Variants in SCTR observed in about 807,000 individuals in gnomAD.
SCTR encodes secretin receptor.
In SCTR, 56 loss-of-function variants were observed where a neutral mutation model predicts 60.8. That is an observed-to-expected ratio of 0.92 (90% CI 0.74 to 1.15). The LOEUF (loss-of-function observed/expected upper bound fraction) is 1.15, where lower values mean the gene tolerates loss of function less well. Among genes scored for constraint, SCTR ranks in the 50% most tolerant of loss-of-function variants. The pLI is 0.00. For missense variants in SCTR, 562 were observed against 550.4 expected, an observed-to-expected ratio of 1.02 and a Z score of -0.21; for synonymous variants, 202 against 217.0, an observed-to-expected ratio of 0.93 and a Z score of 0.61.
chr2:119,477,321 G>T (rs72833298), intron 3 of SCTR, among the ~76,000 whole-genome samples: 2,832 of 152,236 alleles, frequency 0.019, 35 homozygotes, highest in South Asian at 0.054. Context: ...TTTCCTCTCC[G>T]CCAGTCAGCC....
chr2:119,477,796 G>A (rs1334970090), intron 3 of SCTR, among the ~76,000 whole-genome samples: 1 of 152,222 alleles, frequency 6.6e-6, no homozygotes, highest in African/African-American at 2.4e-5. Context: ...GCTTTGAGAT[G>A]TGGGGCATTG....
chr2:119,445,822 T>C (rs1274576671), intron 11 of SCTR, among the ~76,000 whole-genome samples: 2 of 152,250 alleles, frequency 1.3e-5, no homozygotes, highest in East Asian at 3.8e-4. Context: ...CTATCATACT[T>C]ATGACCCATC....
chr2:119,475,283 C>T (rs548658682), intron 3 of SCTR, among the ~76,000 whole-genome samples: 36 of 152,290 alleles, frequency 2.4e-4, no homozygotes, highest in Non-Finnish European at 4.7e-4. Context: ...ACACAAATTC[C>T]CCCAAGGCCA....
chr2:119,453,879 A>C (rs1372977335), intron 7 of SCTR, among the ~76,000 whole-genome samples: 1 of 152,226 alleles, frequency 6.6e-6, no homozygotes, highest in Non-Finnish European at 1.5e-5. Flanking sequence ...TATAATTTGG[A>C]CTAGAGATGA....
intron 7 of SCTR, among the ~76,000 whole-genome samples, chr2:119,458,057 G>T (rs1683442858): frequency 6.6e-6 from 1 of 152,218 alleles, no homozygotes; most frequent in Non-Finnish European, 1.5e-5. Flanking sequence ...ACTTTGGGAG[G>T]CTGAGGCAGG....
At chr2:119,440,728 C>T (rs1431909218) in intron 12 of SCTR, among the ~76,000 whole-genome samples, 1 of 152,106 alleles carries the variant, frequency 6.6e-6, no homozygotes, top group Non-Finnish European at 1.5e-5. Flanking sequence ...AGTGATGGGT[C>T]CCCAGTGATT....
At position 119,472,271 on chromosome 2, in the gene SCTR, G is replaced by A. The variant is rs552391607; in HGVS notation, c.405+1182C>T. On this transcript the variant is annotated intron_variant, in intron 4 of 12. Coordinates refer to ENST00000019103, the MANE Select transcript of SCTR (RefSeq NM_002980.3). ...AAGGGAGCCCTTCCCGTGGGGAGGG[G>A]AAGAAAGGGCTGGCATGGATGGGCC... 2.6e-5 allele frequency among the ~76,000 whole-genome samples: 4 copies of A among 152,358 alleles called. No individual in the cohort carries two copies. In the East Asian group the frequency reaches 7.7e-4, roughly 29 times the overall value.
intron 2 of SCTR, among the ~76,000 whole-genome samples, chr2:119,488,064 G>T (rs754546938): frequency 6.6e-6 from 1 of 152,150 alleles, no homozygotes; most frequent in South Asian, 2.1e-4. Context: ...CTTGGCCCTG[G>T]CTTCTGACCC....
intron 1 of SCTR, among the ~76,000 whole-genome samples, chr2:119,522,420 C>T (rs1010801514): frequency 1.3e-5 from 2 of 152,028 alleles, no homozygotes; most frequent in Non-Finnish European, 2.9e-5. Context: ...GTATGTGGGG[C>T]GAGTAGAGCT....
At chr2:119,462,162 C>A (rs1261757037) in intron 6 of SCTR, among the ~76,000 whole-genome samples, 162 bp from the exon 7 acceptor site, 1 of 152,162 alleles carries the variant, frequency 6.6e-6, no homozygotes. Flanking sequence ...CTCCATCAGG[C>A]CTGCAGCATT....
At chr2:119,494,249 T>C (rs551365084) in intron 2 of SCTR, among the ~76,000 whole-genome samples, 179 bp downstream of exon 2, 27 of 152,000 alleles carry the variant, frequency 1.8e-4, no homozygotes, top group Admixed American at 1.6e-3. Context: ...GGCTTTGGGG[T>C]CCATGCGATC....
Position 119,452,057 on chromosome 2 carries a change from C to T in SCTR, c.874G>A (p.Ala292Thr), listed in dbSNP as rs140893531. The part of the protein sequence containing the change: ...DVGCWDINAN[A>T]SIWWIIRGPV... ...CCACGAATGATCCACCAGATGGATG[C>T]GTTGGCATTGATGTCCCAGCACCTA... The change falls in exon 9 of 13, where the codon GCA (alanine) becomes ACA (threonine). Residue 292 changes from alanine to threonine, a missense_variant. Ala to Thr is a moderately conservative substitution (Grantham distance 58, BLOSUM62 0). Transcript: ENST00000019103. 6,508 of 1,608,034 alleles carry T rather than the reference C, an allele frequency of 4.0e-3. 34 individuals are homozygous for T. The highest frequency in any genetic ancestry group is 0.026 in the Middle Eastern group (160 of 6,048).
At chr2:119,497,041 G>C (rs1483508744) in intron 1 of SCTR, among the ~76,000 whole-genome samples, 1 of 152,146 alleles carries the variant, frequency 6.6e-6, no homozygotes, top group Non-Finnish European at 1.5e-5. Context: ...TGATATCAGT[G>C]GAAACTAGAC....
At chr2:119,471,223 T>C (rs1438180976) in intron 4 of SCTR, among the ~76,000 whole-genome samples, 1 of 152,232 alleles carries the variant, frequency 6.6e-6, no homozygotes, top group Non-Finnish European at 1.5e-5. Flanking sequence ...CAAAGCCTTC[T>C]TATGAACCTC....
intron 1 of SCTR, among the ~76,000 whole-genome samples, chr2:119,522,270 T>C (rs1679310989): frequency 6.7e-6 from 1 of 149,898 alleles, no homozygotes; most frequent in East Asian, 2.0e-4. Flanking sequence ...CGCTCCAGCC[T>C]GGGCAACAAG....
At chr2:119,509,997 T>TA (rs1011687947) in intron 1 of SCTR, among the ~76,000 whole-genome samples, 2 of 151,960 alleles carry the variant, frequency 1.3e-5, no homozygotes, top group Admixed American at 6.6e-5. Flanking sequence ...TTTTTTTTTT[T>TA]ATTTTACTTT....
intron 1 of SCTR, among the ~76,000 whole-genome samples, chr2:119,497,478 T>C (rs1448729271): frequency 6.6e-6 from 1 of 152,094 alleles, no homozygotes; most frequent in Non-Finnish European, 1.5e-5. Flanking sequence ...AAAAACATAA[T>C]TAACAGATGC....
chr2:119,465,019 C>T (rs1343576949), intron 5 of SCTR, among the ~76,000 whole-genome samples: 5 of 152,186 alleles, frequency 3.3e-5, no homozygotes, highest in African/African-American at 4.8e-5. Context: ...CTTCTGGTAC[C>T]GGAAACAGGC....
chr2:119,492,512 T>G (rs529386782), intron 2 of SCTR, among the ~76,000 whole-genome samples: 1 of 152,260 alleles, frequency 6.6e-6, no homozygotes, highest in Non-Finnish European at 1.5e-5. Flanking sequence ...GGGTTCTGTT[T>G]ATTTTTCTTT....
Sources: allele counts gnomAD v4.1 joint callset (sites outside exome capture counted in the v4.1 genomes callset), GRCh38; gene constraint gnomAD v4.1.1; transcripts MANE v1.5; gene names NCBI Gene and HGNC (gene_info 2026-07-23, HGNC 2026-07-21).